FOXP2: variants seen among roughly 807,000 people sequenced by gnomAD.
The protein encoded by FOXP2 is forkhead box protein P2.
Under a neutral mutation model 115.8 loss-of-function variants are expected in FOXP2, and 12 were observed. That is an observed-to-expected ratio of 0.10 (90% CI 0.07 to 0.17). The LOEUF (loss-of-function observed/expected upper bound fraction) is 0.17, where lower values mean the gene tolerates loss of function less well. FOXP2 is among the 10% of genes least tolerant of loss of function. The probability of loss-of-function intolerance (pLI) is 1.00; values close to 1 mark genes in which losing one functional copy is unlikely to be tolerated. For missense variants in FOXP2, 629 were observed against 843.5 expected (o/e 0.75, Z 3.15); for synonymous variants, 328 against 297.7 (o/e 1.10, Z -1.05).
At chr7:114,257,421 T>C (rs927703138) in intron 1 of FOXP2, among the ~76,000 whole-genome samples, 1 of 151,824 alleles carries the variant, frequency 6.6e-6, no homozygotes, top group Non-Finnish European at 1.5e-5. Context: ...AAGAAGGCTT[T>C]TGTATGAAAG....
intron 2 of FOXP2, among the ~76,000 whole-genome samples, chr7:114,295,200 C>G (rs867027909): frequency 1.3e-5 from 2 of 152,144 alleles, no homozygotes; most frequent in African/African-American, 2.4e-5. Flanking sequence ...TTTTAATGGT[C>G]TTATTTGCTG....
chr7:114,213,572 T>G lies in FOXP2; in HGVS notation c.-102+50484T>G, dbSNP rs562406650. Among the ~76,000 whole-genome samples the G allele has an allele frequency of 6.6e-5, 10 of 152,326 alleles. 1 individual carries two copies. The South Asian group carries it at 1.2e-3, about 19-fold the overall frequency. The stretch of plus-strand genomic sequence containing the variant: ...CTAAATTTTATCTCACAGCTTCATA[T>G]CTTATATATCTTTAAAAACTATATT... On this transcript the variant is annotated intron_variant, in intron 1 of 17. Transcript: ENST00000634411.
intron 2 of FOXP2, among the ~76,000 whole-genome samples, chr7:114,445,231 A>C (rs1044891560): frequency 6.6e-6 from 1 of 152,140 alleles, no homozygotes; most frequent in Admixed American, 6.6e-5. Context: ...TTGTTAACTA[A>C]GGCAAGCCCT....
intron 2 of FOXP2, among the ~76,000 whole-genome samples, chr7:114,346,109 G>A (rs965917889): frequency 3.3e-5 from 5 of 151,582 alleles, no homozygotes; most frequent in African/African-American, 1.2e-4. Context: ...GCAATTTTAA[G>A]CAATTATGAT....
intron 2 of FOXP2, among the ~76,000 whole-genome samples, chr7:114,375,692 C>CT (rs1792121644): frequency 6.6e-6 from 1 of 152,158 alleles, no homozygotes; most frequent in African/African-American, 2.4e-5. Context: ...GCTGCAGCCA[C>CT]TTGGTTCTCC....
At chr7:114,626,436 G>T (rs528772232) in intron 3 of FOXP2, among the ~76,000 whole-genome samples, 6 of 151,756 alleles carry the variant, frequency 4.0e-5, no homozygotes, top group East Asian at 3.9e-4. Flanking sequence ...ATAATTAAGG[G>T]ATAATTAAAA....
chr7:114,344,899 A>G (rs1026180103), intron 2 of FOXP2, among the ~76,000 whole-genome samples: 2 of 151,782 alleles, frequency 1.3e-5, no homozygotes, highest in Non-Finnish European at 2.9e-5. Flanking sequence ...ATTAAAGCTC[A>G]CATGCTGTGC....
At chr7:114,286,994 C>G (rs985354464) in intron 1 of FOXP2, among the ~76,000 whole-genome samples, 1 of 152,010 alleles carries the variant, frequency 6.6e-6, no homozygotes, top group African/African-American at 2.4e-5. Context: ...CAAGTGATGC[C>G]AGTCATCCTT....
intron 2 of FOXP2, among the ~76,000 whole-genome samples, chr7:114,515,513 CTTCT>C (rs1437485904): frequency 1.1e-4 from 16 of 152,246 alleles, no homozygotes; most frequent in Middle Eastern, 3.4e-3. Flanking sequence ...GCATAGATGT[CTTCT>C]TTGGAGAAGT....
At chr7:114,337,825 G>A (rs1214581042) in intron 2 of FOXP2, among the ~76,000 whole-genome samples, 6 of 151,102 alleles carry the variant, frequency 4.0e-5, no homozygotes, top group Non-Finnish European at 5.9e-5. Context: ...GCATGAGCTC[G>A]TTTGCATGTT....
intron 1 of FOXP2, among the ~76,000 whole-genome samples, chr7:114,273,262 GTTGT>G (rs1444595921): frequency 3.9e-5 from 6 of 151,948 alleles, no homozygotes; most frequent in African/African-American, 1.4e-4. Flanking sequence ...TTATCTTCCT[GTTGT>G]TTATTTCTAG....
chr7:114,564,878 CAA>C (rs35022872), intron 3 of FOXP2, among the ~76,000 whole-genome samples: 245 of 88,078 alleles, frequency 2.8e-3, no homozygotes, highest in Middle Eastern at 6.7e-3. Context: ...AAGGCCCTGT[CAA>C]AAAAAAAAAA....
intron 1 of FOXP2, among the ~76,000 whole-genome samples, chr7:114,157,389 C>T (rs1465548742): frequency 2.0e-5 from 3 of 151,810 alleles, no homozygotes; most frequent in Admixed American, 6.6e-5. Context: ...TAAATTGAGG[C>T]TTGAAAGGTA....
At chr7:114,119,472 G>GGCT (rs1791499779) in intron 1 of FOXP2, among the ~76,000 whole-genome samples, 1 of 152,084 alleles carries the variant, frequency 6.6e-6, no homozygotes, top group Non-Finnish European at 1.5e-5. Flanking sequence ...CAGGTGTGGT[G>GGCT]GCTCAAGGCT....
intron 16 of FOXP2, among the ~76,000 whole-genome samples, chr7:114,689,067 A>G (rs1056848542): frequency 6.6e-6 from 1 of 152,158 alleles, no homozygotes; most frequent in Non-Finnish European, 1.5e-5. Flanking sequence ...TGACCTTTCT[A>G]ATATATTTTG....
At chr7:114,385,705 T>G (rs564822732) in intron 2 of FOXP2, among the ~76,000 whole-genome samples, 138 of 152,314 alleles carry the variant, frequency 9.1e-4, no homozygotes, top group Non-Finnish European at 1.7e-3. Context: ...TAAGGAAGAA[T>G]AGAACAGAAT....
At chr7:114,256,970 G>A (rs914106994) in intron 1 of FOXP2, among the ~76,000 whole-genome samples, 5 of 152,116 alleles carry the variant, frequency 3.3e-5, no homozygotes, top group Non-Finnish European at 7.4e-5. Flanking sequence ...GGAACCAAAA[G>A]GAGCCCACAT....
intron 2 of FOXP2, among the ~76,000 whole-genome samples, chr7:114,457,856 C>T (rs1177843514): frequency 6.6e-6 from 1 of 151,070 alleles, no homozygotes; most frequent in Non-Finnish European, 1.5e-5. Context: ...CGAGATCGTG[C>T]CACTGTACTC....
chr7:114,459,245 A>G (rs1795455106), intron 2 of FOXP2, among the ~76,000 whole-genome samples: 1 of 152,204 alleles, frequency 6.6e-6, no homozygotes, highest in Non-Finnish European at 1.5e-5. Context: ...AAGGAGGGGA[A>G]ATAGACTCCA....
Sources: gnomAD v4.1 joint callset for allele counts (sites outside exome capture counted in the v4.1 genomes callset) on GRCh38, gnomAD v4.1.1 for gene constraint, MANE v1.5 for transcripts, NCBI Gene and HGNC (gene_info 2026-07-23, HGNC 2026-07-21) for gene names.